SNX6: variants seen among roughly 807,000 people sequenced by gnomAD.
SNX6 encodes the protein sorting nexin-6.
In SNX6, 34 loss-of-function variants were observed where a neutral mutation model predicts 63.0. That is an observed-to-expected ratio of 0.54 (90% confidence interval 0.41 to 0.72). The LOEUF (loss-of-function observed/expected upper bound fraction) is 0.72, where lower values mean the gene tolerates loss of function less well. Ranked by LOEUF, SNX6 falls within the 30% of genes least tolerant of loss-of-function variation. The pLI is 0.00. For missense variants in SNX6, 398 were observed against 471.4 expected (o/e 0.84, Z 1.44); for synonymous variants, 170 against 164.2 (o/e 1.04, Z -0.27).
intron 7 of SNX6, among the ~76,000 whole-genome samples, chr14:34,595,875 C>T (rs1243683427): frequency 1.3e-5 from 2 of 152,206 alleles, no homozygotes; most frequent in East Asian, 1.9e-4. Context: ...TGGTAAGAAT[C>T]TTCAGATAAA....
At chr14:34,602,435 A>C (rs561811359) in intron 6 of SNX6, among the ~76,000 whole-genome samples, 4 of 151,340 alleles carry the variant, frequency 2.6e-5, no homozygotes, top group Non-Finnish European at 5.9e-5. Flanking sequence ...TAAAAAAAAA[A>C]AAAAAATTAG....
intron 2 of SNX6, among the ~76,000 whole-genome samples, chr14:34,613,648 C>T (rs538813309): frequency 1.5e-4 from 23 of 151,592 alleles, no homozygotes; most frequent in African/African-American, 5.6e-4. Context: ...AAAAAATTAG[C>T]CGGGCGTGGT....
chr14:34,630,081 C>G, intron 1 of SNX6, 30 bp downstream of exon 1: 1 of 1,452,850 alleles, frequency 6.9e-7, no homozygotes, highest in Non-Finnish European at 9.0e-7. Context: ...CACCGCGCTC[C>G]CGGGACTCGG....
intron 13 of SNX6, among the ~76,000 whole-genome samples, chr14:34,566,946 G>A (rs1051328962): frequency 2.6e-5 from 4 of 152,120 alleles, no homozygotes; most frequent in African/African-American, 9.7e-5. Flanking sequence ...AACCTGGCCG[G>A]GCATGGTGGC....
At chr14:34,622,305 G>A (rs1397835249) in intron 2 of SNX6, among the ~76,000 whole-genome samples, 2 of 150,096 alleles carry the variant, frequency 1.3e-5, no homozygotes, top group African/African-American at 2.4e-5. Flanking sequence ...TACTGGCCGG[G>A]CACGGTGGCT....
chr14:34,568,053 T>G (rs371653687), intron 11 of SNX6, 40 bp from the exon 12 acceptor site: 60 of 1,568,084 alleles, frequency 3.8e-5, no homozygotes, highest in Non-Finnish European at 4.9e-5. Context: ...ATATACTGCA[T>G]GTTTCCAGTA....
At chr14:34,622,558 G>C (rs1195462191) in intron 2 of SNX6, among the ~76,000 whole-genome samples, 4 of 136,624 alleles carry the variant, frequency 2.9e-5, no homozygotes, top group African/African-American at 1.1e-4. Context: ...ACTCCAGCCT[G>C]GGCAATAGAG....
chr14:34,614,678 G>A (rs1302969512), intron 2 of SNX6, among the ~76,000 whole-genome samples: 2 of 152,266 alleles, frequency 1.3e-5, no homozygotes, highest in East Asian at 3.9e-4. Context: ...TGCACCTTGG[G>A]AGGCCAAGGC....
At chr14:34,600,954 G>A (rs1217127763) in intron 6 of SNX6, among the ~76,000 whole-genome samples, 1 of 151,758 alleles carries the variant, frequency 6.6e-6, no homozygotes, top group Non-Finnish European at 1.5e-5. Context: ...GGAAGCAGAG[G>A]TTGTACTGAG....
chr14:34,607,983 C>A (rs1594739716), intron 4 of SNX6, 47 bp downstream of exon 4: 3 of 994,158 alleles, frequency 3.0e-6, no homozygotes, highest in South Asian at 3.1e-5. Context: ...AACGAAGTAC[C>A]TAAAACCTCC....
chr14:34,585,474 C>T (rs1023345268), intron 9 of SNX6, among the ~76,000 whole-genome samples: 16 of 152,096 alleles, frequency 1.1e-4, no homozygotes, highest in African/African-American at 1.7e-4. Context: ...GAGCCATGAT[C>T]GTGCCACTGC....
At position 34,617,630 on chromosome 14, in the gene SNX6, A is replaced by G. The variant is rs1047590500; in HGVS notation, c.55-7888T>C. Among the ~76,000 whole-genome samples, 115 of 145,164 alleles carry G rather than the reference A, an allele frequency of 7.9e-4. 1 individual carries two copies. In the Admixed American group the frequency reaches 8.3e-3, roughly 11 times the overall value. On this transcript the variant is annotated intron_variant, in intron 2 of 13. Transcript: ENST00000362031. ...CTCAAAAAAAAAAAAAAAAAAAAAAAAAAGACTTGGACCAGGCGCGGTGGC... is the reference window on the plus strand; with the variant it reads ...CTCAAAAAAAAAAAAAAAAAAAAAAGAAAGACTTGGACCAGGCGCGGTGGC...
chr14:34,612,507 C>T (rs1883270545), intron 2 of SNX6, among the ~76,000 whole-genome samples: 1 of 152,038 alleles, frequency 6.6e-6, no homozygotes, highest in African/African-American at 2.4e-5. Context: ...CATCTTGGCT[C>T]ACTACAACCT....
intron 2 of SNX6, among the ~76,000 whole-genome samples, chr14:34,611,039 A>T (rs536908541): frequency 6.6e-6 from 1 of 152,176 alleles, no homozygotes; most frequent in Non-Finnish European, 1.5e-5. Context: ...AGGGTCTCAA[A>T]ACCAGGTTGG....
At chr14:34,622,349 G>T (rs1883656594) in intron 2 of SNX6, among the ~76,000 whole-genome samples, 1 of 151,278 alleles carries the variant, frequency 6.6e-6, no homozygotes, top group African/African-American at 2.4e-5. Flanking sequence ...GGGAGGCCGA[G>T]GTGGGTGGAT....
intron 5 of SNX6, among the ~76,000 whole-genome samples, chr14:34,603,801 T>G (rs561668454): frequency 6.6e-6 from 1 of 152,276 alleles, no homozygotes; most frequent in East Asian, 1.9e-4. Context: ...CTACAAATTA[T>G]TTGATAGAAT....
At chr14:34,565,684 T>A (rs529223019) in intron 13 of SNX6, among the ~76,000 whole-genome samples, 1 of 143,746 alleles carries the variant, frequency 7.0e-6, no homozygotes, top group East Asian at 2.0e-4. Context: ...GCCTGGCTGA[T>A]TTTTTTTTTT....
intron 8 of SNX6, among the ~76,000 whole-genome samples, chr14:34,590,362 A>G (rs1057061558): frequency 6.6e-6 from 1 of 151,054 alleles, no homozygotes; most frequent in Non-Finnish European, 1.5e-5. Context: ...CAGGAGGTGG[A>G]GCTTGCAGTG....
intron 8 of SNX6, among the ~76,000 whole-genome samples, chr14:34,589,226 G>A (rs546833115): frequency 6.7e-6 from 1 of 148,666 alleles, no homozygotes; most frequent in South Asian, 2.1e-4. Context: ...GGGCCGAGGT[G>A]GGCAGATCAC....
Sources: allele counts gnomAD v4.1 joint callset (sites outside exome capture counted in the v4.1 genomes callset), GRCh38; gene constraint gnomAD v4.1.1; transcripts MANE v1.5; gene names NCBI Gene and HGNC (gene_info 2026-07-23, HGNC 2026-07-21).